EEIG2: variants seen among roughly 807,000 people sequenced by gnomAD.
The protein encoded by EEIG2 is family with sequence similarity 102 member B.
the EEIG2 span, among the ~76,000 whole-genome samples, chr1:108,594,443 A>G: frequency 6.6e-6 from 1 of 152,156 alleles, no homozygotes; most frequent in African/African-American, 2.4e-5. Flanking sequence ...GAAAATGTCT[A>G]TACTGTAGAG....
chr1:108,612,525 T>C, the EEIG2 span, among the ~76,000 whole-genome samples: 2 of 152,194 alleles, frequency 1.3e-5, no homozygotes, highest in African/African-American at 4.8e-5. Flanking sequence ...CGTTTGAGCA[T>C]TCAGAGAATA....
At chr1:108,638,595 G>A in the EEIG2 span, 2 of 152,246 alleles carry the variant, frequency 1.3e-5, no homozygotes, top group African/African-American at 4.8e-5. Flanking sequence ...CTTTAAATTG[G>A]GCAGTTCTGA....
chr1:108,602,554 G>T, the EEIG2 span, among the ~76,000 whole-genome samples: 2 of 152,066 alleles, frequency 1.3e-5, no homozygotes, highest in Non-Finnish European at 2.9e-5. Flanking sequence ...TATCAGATTA[G>T]GACCTCATTT....
chr1:108,590,210 G>C, the EEIG2 span, among the ~76,000 whole-genome samples: 1 of 152,078 alleles, frequency 6.6e-6, no homozygotes, highest in African/African-American at 2.4e-5. Flanking sequence ...AAATATCTCT[G>C]ATGTATGAGA....
At chr1:108,593,136 G>T in the EEIG2 span, among the ~76,000 whole-genome samples, 1 of 152,208 alleles carries the variant, frequency 6.6e-6, no homozygotes, top group East Asian at 1.9e-4. Context: ...CAGCCTGCAT[G>T]ACAGAGTGAG....
At chr1:108,580,072 A>G in the EEIG2 span, among the ~76,000 whole-genome samples, 1 of 151,982 alleles carries the variant, frequency 6.6e-6, no homozygotes, top group African/African-American at 2.4e-5. Flanking sequence ...GCTCAGTGCT[A>G]TTTTTCCAAC....
At chr1:108,600,674 A>G in the EEIG2 span, 2 of 1,608,234 alleles carry the variant, frequency 1.2e-6, no homozygotes, top group Non-Finnish European at 1.7e-6. Context: ...TCTACAGAGT[A>G]TCCGTGAGGA....
chr1:108,629,250 TACTC>T, the EEIG2 span, among the ~76,000 whole-genome samples: 3 of 152,200 alleles, frequency 2.0e-5, no homozygotes, highest in Non-Finnish European at 4.4e-5. Flanking sequence ...AAGGTATAAT[TACTC>T]ATGTTGATGT....
the EEIG2 span, among the ~76,000 whole-genome samples, chr1:108,616,130 T>C: frequency 2.0e-5 from 3 of 151,480 alleles, no homozygotes; most frequent in Admixed American, 6.6e-5. Flanking sequence ...TCTTCTTTTT[T>C]TTTTTTTTTT....
the EEIG2 span, among the ~76,000 whole-genome samples, chr1:108,580,925 A>G: frequency 5.9e-5 from 9 of 152,184 alleles, no homozygotes; most frequent in Admixed American, 2.0e-4. Context: ...CAGATTTTCA[A>G]TGTAGACAAA....
the EEIG2 span, among the ~76,000 whole-genome samples, chr1:108,616,891 C>T: frequency 1.3e-5 from 2 of 152,010 alleles, no homozygotes; most frequent in East Asian, 1.9e-4. Flanking sequence ...GGTTCATAAG[C>T]GCTTTGGAGA....
chr1:108,606,865 G>A, the EEIG2 span, among the ~76,000 whole-genome samples: 4 of 151,952 alleles, frequency 2.6e-5, no homozygotes, highest in African/African-American at 9.7e-5. Flanking sequence ...GTCTTGCTAT[G>A]TTACCCAGGC....
At chr1:108,560,433 T>A in the EEIG2 span, 27 of 1,607,396 alleles carry the variant, frequency 1.7e-5, no homozygotes, top group African/African-American at 2.7e-5. Context: ...CTCACGATGA[T>A]GAAGAAGAAG....
At chr1:108,600,545 CTCT>C in the EEIG2 span, 23 of 1,606,758 alleles carry the variant, frequency 1.4e-5, no homozygotes, top group Non-Finnish European at 1.9e-5. Context: ...AATTAATTGG[CTCT>C]TTTTTTCTTT....
At chr1:108,607,444 A>T in the EEIG2 span, among the ~76,000 whole-genome samples, 1 of 152,192 alleles carries the variant, frequency 6.6e-6, no homozygotes, top group African/African-American at 2.4e-5. Context: ...GGTTAGCTTA[A>T]ACTAATCACA....
chr1:108,560,459 G>A, the EEIG2 span: 5 of 1,612,888 alleles, frequency 3.1e-6, no homozygotes, highest in Non-Finnish European at 4.2e-6. Context: ...TAAGTTTAAG[G>A]TGGACTTCGA....
chr1:108,571,946 TCTCTATA>T, the EEIG2 span, among the ~76,000 whole-genome samples: 1 of 152,110 alleles, frequency 6.6e-6, no homozygotes, highest in Admixed American at 6.6e-5. Context: ...TCCTTCTCCT[TCTCTATA>T]CAATTCTGAT....
chr1:108,625,958 C>T, the EEIG2 span: 3 of 152,250 alleles, frequency 2.0e-5, no homozygotes, highest in Non-Finnish European at 4.4e-5. Context: ...ATCATCTGCC[C>T]TCTCTTGCTG....
At chr1:108,614,133 G>A in the EEIG2 span, among the ~76,000 whole-genome samples, 1 of 140,642 alleles carries the variant, frequency 7.1e-6, no homozygotes, top group Non-Finnish European at 1.5e-5. Context: ...TGTCTATCCA[G>A]CTTAAATTTC....
Sources: allele counts gnomAD v4.1 joint callset (sites outside exome capture counted in the v4.1 genomes callset), GRCh38; gene constraint gnomAD v4.1.1; transcripts MANE v1.5; gene names NCBI Gene and HGNC (gene_info 2026-07-23, HGNC 2026-07-21).